TPO: variants seen among roughly 807,000 people sequenced by gnomAD.
The protein encoded by TPO is thyroid peroxidase.
A neutral mutation model predicts 96.9 loss-of-function variants in TPO; 78 were observed. The ratio of observed to expected loss-of-function variants is 0.81; its 90% confidence interval spans 0.67 to 0.97. The LOEUF (loss-of-function observed/expected upper bound fraction) is 0.97, where lower values mean the gene tolerates loss of function less well. Among genes scored for constraint, TPO ranks in the 50% least tolerant of loss-of-function variants. The pLI is 0.00. For missense variants in TPO, 1,252 were observed against 1,274.8 expected (o/e 0.98, Z 0.27); for synonymous variants, 547 against 538.0 (o/e 1.02, Z -0.23).
chr2:1,423,602 T>C (rs1664018324), intron 3 of TPO, among the ~76,000 whole-genome samples: 2 of 152,162 alleles, frequency 1.3e-5, no homozygotes, highest in African/African-American at 4.8e-5. Context: ...AAGAATATTG[T>C]GGTCTCATAT....
chr2:1,531,730 C>G (rs111652804), intron 15 of TPO, among the ~76,000 whole-genome samples: 1 of 56,274 alleles, frequency 1.8e-5, no homozygotes, highest in Non-Finnish European at 3.5e-5. Context: ...CTCTCTGCAA[C>G]CTCCCCAAAT....
chr2:1,512,195 G>A (rs974501475), intron 14 of TPO, among the ~76,000 whole-genome samples: 14 of 152,178 alleles, frequency 9.2e-5, no homozygotes, highest in South Asian at 2.1e-4. Context: ...CACCACGCCC[G>A]GCTAATTTTT....
chr2:1,451,465 G>A (rs1029013559), intron 5 of TPO, among the ~76,000 whole-genome samples: 3 of 152,146 alleles, frequency 2.0e-5, no homozygotes, highest in African/African-American at 7.2e-5. Flanking sequence ...GATTCTTGTA[G>A]ACTTCACTCC....
chr2:1,494,636 T>C (rs1672147362), intron 11 of TPO, among the ~76,000 whole-genome samples: 1 of 152,254 alleles, frequency 6.6e-6, no homozygotes, highest in African/African-American at 2.4e-5. Flanking sequence ...CCCATCTGAC[T>C]CTGAGTGCAT....
chr2:1,451,194 AAG>A (rs1667272381), intron 5 of TPO, among the ~76,000 whole-genome samples: 1 of 152,160 alleles, frequency 6.6e-6, no homozygotes, highest in Non-Finnish European at 1.5e-5. Flanking sequence ...TTTAAACTGG[AAG>A]AGTCTCAGCT....
At chr2:1,381,049 C>A (rs537542683) in intron 1 of TPO, among the ~76,000 whole-genome samples, 1 of 152,266 alleles carries the variant, frequency 6.6e-6, no homozygotes. Context: ...TAGGTATACA[C>A]GTGCCATGGT....
rs201193196 is a variant in TPO at position 1,495,999 on chromosome 2, G to A, written c.2017G>A (p.Glu673Lys). 6.7e-5 allele frequency: 108 copies of A among 1,612,596 alleles called. No homozygotes were observed. Among genetic ancestry groups the A allele is most frequent in the East Asian group, 6.2e-4 (28 of 44,868 alleles). Residue 673 changes from glutamate to lysine, a missense_variant, in exon 12 of 17, where the codon GAG becomes AAG. Transcript: ENST00000329066. ...ALRDGDWFWWENSHVFTDAQR... is the reference protein window; with the variant it reads ...ALRDGDWFWWKNSHVFTDAQR... The stretch of plus-strand genomic sequence containing the variant: ...TCTCCTTCTCTGGAGGTTTTGGTGG[G>A]AGAACAGCCACGTCTTCACGGATGC...
chr2:1,413,737 G>T (rs1189940491), intron 1 of TPO, 192 bp downstream of exon 1: 1 of 985,160 alleles, frequency 1.0e-6, no homozygotes, highest in East Asian at 1.1e-4. Flanking sequence ...AGTCCTGTAG[G>T]GTCGATTCCT....
rs1672107527 is a variant in TPO, at chr2:1,494,329, C to CTAAACA, written c.2006+290_2006+291insTAAACA. 2.6e-5 allele frequency among the ~76,000 whole-genome samples: 4 copies of CTAAACA among 152,374 alleles called. No homozygotes were observed. In the South Asian group the frequency reaches 8.3e-4, roughly 32 times the overall value. ...GCACCTAACTAAACAAATTGTGACA[C>CTAAACA]AATCGTGACAGCCCGGAGACTGCAT... On this transcript the variant is annotated intron_variant, in intron 11 of 16. Coordinates refer to ENST00000329066, the MANE Select transcript of TPO (RefSeq NM_001206744.2).
Position 1,542,652 on chromosome 2 carries a change from T to G in TPO, c.*178T>G. 2 of 1,533,242 alleles carry G rather than the reference T, an allele frequency of 1.3e-6. No individual in the cohort carries two copies. Among genetic ancestry groups the G allele is most frequent in the South Asian group, 2.5e-5 (2 of 81,562 alleles). 95.0% of individuals were successfully genotyped at this position (1,533,242 alleles called of 1,614,324 possible). A position where few individuals can be genotyped will look rare whatever the true frequency, so the allele number is the denominator to read the frequency against. On this transcript the variant is annotated 3_prime_UTR_variant, in exon 17 of 17. Coordinates refer to ENST00000329066, the MANE Select transcript of TPO (RefSeq NM_001206744.2). ...GATGAATAAATGTTATAGCTGCATT[T>G]GTCTGGCCTTTTCTTGTAAACATTG...
chr2:1,537,316 ACT>A (rs1230716212), intron 15 of TPO, among the ~76,000 whole-genome samples: 2 of 43,308 alleles, frequency 4.6e-5, no homozygotes, highest in Non-Finnish European at 4.2e-5. Context: ...CCCCAAACCT[ACT>A]CTGTCCAACC....
chr2:1,392,360 A>C (rs993033904), intron 1 of TPO, among the ~76,000 whole-genome samples: 2 of 152,278 alleles, frequency 1.3e-5, no homozygotes, highest in East Asian at 3.9e-4. Context: ...AAGCCAACCT[A>C]ATCATGGTGG....
intron 1 of TPO, among the ~76,000 whole-genome samples, chr2:1,380,360 C>G (rs950051942): frequency 4.0e-4 from 60 of 148,208 alleles, no homozygotes; most frequent in African/African-American, 1.5e-3. Flanking sequence ...CTTTACTGCA[C>G]TCCAGCCTGG....
At chr2:1,399,972 C>T (rs555100671) in intron 1 of TPO, among the ~76,000 whole-genome samples, 1 of 152,344 alleles carries the variant, frequency 6.6e-6, no homozygotes, top group South Asian at 2.1e-4. Flanking sequence ...CCATGGCCGC[C>T]ACCCTTCCCT....
chr2:1,376,133 T>C (rs1661718640), intron 1 of TPO, among the ~76,000 whole-genome samples: 1 of 152,164 alleles, frequency 6.6e-6, no homozygotes, highest in Non-Finnish European at 1.5e-5. Flanking sequence ...CTCAGTATTT[T>C]CTTCGTAAAT....
chr2:1,542,573 T>C lies in TPO; in HGVS notation c.*99T>C, dbSNP rs558523019. 8.9e-6 allele frequency: 14 copies of C among 1,576,776 alleles called. No individual in the cohort carries two copies. The highest frequency in any genetic ancestry group is 4.6e-5 in the South Asian group (4 of 86,360). ...GCAAATCCGAAATCAGCAGGACGAC[T>C]GTTTTCCCAACACGGGTAAATCTAG... On this transcript the variant is annotated 3_prime_UTR_variant, in exon 17 of 17. Coordinates refer to ENST00000329066, the MANE Select transcript of TPO (RefSeq NM_001206744.2).
At position 1,392,339 on chromosome 2, in the gene TPO, T is replaced by TCTG. The variant is rs201850731; in HGVS notation, n.180+17938_180+17939insTGC. On this transcript the variant is annotated intron_variant and non_coding_transcript_variant, in intron 1 of 5. Coordinates refer to the TPO transcript ENST00000497517. The stretch of plus-strand genomic sequence containing the variant: ...TTGCATATGTTGAACGAGCCTTGCA[T>TCTG]CCCAGGGATGAAGCCAACCTAATCA... Among the ~76,000 whole-genome samples, 827 of 152,336 alleles carry TCTG rather than the reference T, an allele frequency of 5.4e-3. 9 individuals carry two copies. Among genetic ancestry groups the TCTG allele is most frequent in the African/African-American group, 0.018 (757 of 41,576 alleles).
At chr2:1,429,533 GAGA>G (rs776235312) in intron 3 of TPO, among the ~76,000 whole-genome samples, 1 of 152,198 alleles carries the variant, frequency 6.6e-6, no homozygotes, top group Non-Finnish European at 1.5e-5. Flanking sequence ...TTGGAGGGCT[GAGA>G]AGAAGAGAGA....
chr2:1,454,733 G>T (rs1667634284), intron 6 of TPO, among the ~76,000 whole-genome samples: 1 of 152,146 alleles, frequency 6.6e-6, no homozygotes, highest in Non-Finnish European at 1.5e-5. Context: ...CTCAACAGTG[G>T]ACCAGTTCAA....
Sources: allele counts gnomAD v4.1 joint callset (sites outside exome capture counted in the v4.1 genomes callset), GRCh38; gene constraint gnomAD v4.1.1; transcripts MANE v1.5; gene names NCBI Gene and HGNC (gene_info 2026-07-23, HGNC 2026-07-21).